The following MEGF11 variants were observed in gnomAD, a reference collection of about 807,000 sequenced individuals.
The protein encoded by MEGF11 is multiple EGF like domains 11.
MEGF11 carries 126 observed loss-of-function variants against 146.6 expected under a neutral mutation model. That is an observed-to-expected ratio of 0.86 (90% CI 0.74 to 1.00). MEGF11 has a LOEUF of 1.00. Among genes scored for constraint, MEGF11 ranks in the 50% least tolerant of loss-of-function variants. The pLI, the probability that MEGF11 is intolerant of heterozygous loss-of-function variation, is 0.00. For missense variants in MEGF11, 1,509 were observed against 1,521.2 expected (o/e 0.99, Z 0.13); for synonymous variants, 532 against 583.4 (o/e 0.91, Z 1.27).
chr15:66,131,068 G>C (rs2088627446), intron 1 of MEGF11, among the ~76,000 whole-genome samples: 1 of 152,224 alleles, frequency 6.6e-6, no homozygotes, highest in Non-Finnish European at 1.5e-5. Context: ...TAGATCTGCT[G>C]GTTCTCTTCC....
rs28559977 is a variant in MEGF11 at position 65,916,126 on chromosome 15, A to G, written c.2344+22T>C. ...GTAGGGCCCAGCAGCATCACCCAGGATCAGGGGTCAGGGCAGCTTACTCTG... is the reference window on the plus strand; with the variant it reads ...GTAGGGCCCAGCAGCATCACCCAGGGTCAGGGGTCAGGGCAGCTTACTCTG... On this transcript the variant is annotated intron_variant, in intron 18 of 25. Coordinates refer to ENST00000395614, the MANE Select transcript of MEGF11 (RefSeq NM_001385028.1). 2.3e-3 allele frequency: 3,634 copies of G among 1,570,512 alleles called. 70 individuals are homozygous for G. The African/African-American group carries it at 0.041, about 18-fold the overall frequency.
chr15:65,901,582 T>C (rs1446597021), intron 24 of MEGF11, among the ~76,000 whole-genome samples: 3 of 151,900 alleles, frequency 2.0e-5, no homozygotes, highest in Non-Finnish European at 2.9e-5. Context: ...CCAGTGCTCC[T>C]GTCCTTATCT....
chr15:66,031,733 AATGAGATT>A (rs2083529041), intron 5 of MEGF11, among the ~76,000 whole-genome samples: 1 of 152,132 alleles, frequency 6.6e-6, no homozygotes, highest in South Asian at 2.1e-4. Context: ...AAATGTGTAA[AATGAGATT>A]ATGACAGTAC....
intron 1 of MEGF11, among the ~76,000 whole-genome samples, chr15:66,134,473 G>T (rs889931788): frequency 6.6e-6 from 1 of 151,926 alleles, no homozygotes; most frequent in Non-Finnish European, 1.5e-5. Flanking sequence ...CTCCCCACCC[G>T]CAATCTGCCC....
At chr15:66,087,931 AT>A (rs1489132476) in intron 5 of MEGF11, among the ~76,000 whole-genome samples, 1 of 152,338 alleles carries the variant, frequency 6.6e-6, no homozygotes, top group Middle Eastern at 3.4e-3. Flanking sequence ...CATTAGCCAG[AT>A]TAACCAAGAA....
chr15:66,191,881 C>T (rs893097926), intron 1 of MEGF11, among the ~76,000 whole-genome samples: 5 of 151,418 alleles, frequency 3.3e-5, no homozygotes, highest in African/African-American at 1.2e-4. Context: ...CGAGACCATC[C>T]TGGCCAACAT....
chr15:66,179,901 C>T (rs913233250), intron 1 of MEGF11, among the ~76,000 whole-genome samples: 1 of 150,988 alleles, frequency 6.6e-6, no homozygotes, highest in African/African-American at 2.4e-5. Flanking sequence ...GCTCTGTCTC[C>T]TACTCTCCTG....
chr15:66,184,009 T>C (rs2090626451), intron 1 of MEGF11, among the ~76,000 whole-genome samples: 1 of 152,264 alleles, frequency 6.6e-6, no homozygotes, highest in Admixed American at 6.5e-5. Context: ...TCCATTTATA[T>C]AAACTTCTAG....
chr15:65,975,539 G>C (rs555808412), intron 7 of MEGF11, among the ~76,000 whole-genome samples: 1 of 152,282 alleles, frequency 6.6e-6, no homozygotes, highest in Non-Finnish European at 1.5e-5. Context: ...GGGCCTGAGA[G>C]AATTTGATAT....
chr15:66,032,960 A>T (rs750392723), intron 5 of MEGF11, among the ~76,000 whole-genome samples: 1 of 151,832 alleles, frequency 6.6e-6, no homozygotes, highest in Non-Finnish European at 1.5e-5. Flanking sequence ...AGGTGCCTAT[A>T]GTGCCAGCTA....
At chr15:66,189,540 T>G (rs953603621) in intron 1 of MEGF11, among the ~76,000 whole-genome samples, 1 of 152,154 alleles carries the variant, frequency 6.6e-6, no homozygotes, top group Non-Finnish European at 1.5e-5. Flanking sequence ...CCCTGGGGCC[T>G]GCAGGAGCCC....
At chr15:66,014,566 C>A (rs774039240) in intron 5 of MEGF11, among the ~76,000 whole-genome samples, 2 of 152,062 alleles carry the variant, frequency 1.3e-5, no homozygotes, top group African/African-American at 4.8e-5. Flanking sequence ...GTGATAGGCA[C>A]GAAAAACCGC....
chr15:65,935,050 A>G (rs905787129), intron 10 of MEGF11, among the ~76,000 whole-genome samples: 31 of 152,048 alleles, frequency 2.0e-4, no homozygotes, highest in Admixed American at 1.3e-4. Flanking sequence ...GCTGGGCGTG[A>G]TGGCTCAGGC....
At chr15:66,178,897 T>C (rs186777855) in intron 1 of MEGF11, among the ~76,000 whole-genome samples, 6 of 152,300 alleles carry the variant, frequency 3.9e-5, no homozygotes, top group African/African-American at 1.4e-4. Flanking sequence ...TTGTTTTATT[T>C]TTTTTAAGAC....
intron 5 of MEGF11, among the ~76,000 whole-genome samples, chr15:65,988,716 G>T (rs1010315028): frequency 1.3e-5 from 2 of 152,214 alleles, no homozygotes; most frequent in Non-Finnish European, 2.9e-5. Flanking sequence ...CTACTGTATA[G>T]GAAGGTTTAG....
intron 5 of MEGF11, among the ~76,000 whole-genome samples, chr15:66,031,019 C>G (rs925493830): frequency 6.6e-6 from 1 of 152,164 alleles, no homozygotes; most frequent in East Asian, 1.9e-4. Context: ...AAACCCAAAC[C>G]ACTGGGATTA....
rs925526350 is a variant in MEGF11, at chr15:65,909,134, G to C, written c.2898C>G (p.Asp966Glu). 36 of 1,529,350 alleles carry C rather than the reference G, an allele frequency of 2.4e-5. No homozygotes were observed. Among genetic ancestry groups the C allele is most frequent in the Non-Finnish European group, 3.1e-5 (35 of 1,140,906 alleles). The allele number at this position is 1,529,350 out of a possible 1,614,324, so 94.7% of individuals were successfully genotyped here. A position where few individuals can be genotyped will look rare whatever the true frequency, so the allele number is the denominator to read the frequency against. ...CCAGGGCACTGATCTGGAAATGGGA[G>C]TCTAGTGAGAGGAATGACAGGGAGG... is the stretch of plus-strand genomic sequence containing the variant. ...WTPYSYVNVL[D>E]SHFQISALEA... The change falls in exon 23 of 26, where the codon GAC becomes GAG. Residue 966 changes from aspartate to glutamate, a missense_variant and splice_region_variant. By Grantham distance (45) the Asp-to-Glu change is conservative. Transcript: ENST00000395614.
At chr15:65,910,155 A>G (rs919307611) in intron 21 of MEGF11, among the ~76,000 whole-genome samples, 2 of 152,128 alleles carry the variant, frequency 1.3e-5, no homozygotes, top group African/African-American at 4.8e-5. Context: ...CAGCTGCAAC[A>G]TGAGGCCATC....
intron 1 of MEGF11, among the ~76,000 whole-genome samples, chr15:66,250,943 T>C (rs1414020035): frequency 6.8e-6 from 1 of 147,506 alleles, no homozygotes; most frequent in Non-Finnish European, 1.5e-5. Context: ...AGGGGCAAAA[T>C]AATGAGAATG....
Sources: allele counts gnomAD v4.1 joint callset (sites outside exome capture counted in the v4.1 genomes callset), GRCh38; gene constraint gnomAD v4.1.1; transcripts MANE v1.5; gene names NCBI Gene and HGNC (gene_info 2026-07-23, HGNC 2026-07-21).